Variants in ANKRD11 observed in about 807,000 individuals in gnomAD.
The protein encoded by ANKRD11 is ankyrin repeat domain-containing protein 11.
In ANKRD11, 17 loss-of-function variants were observed where a neutral mutation model predicts 195.7. That is an observed-to-expected ratio of 0.09 (90% confidence interval 0.06 to 0.13). ANKRD11 has a LOEUF of 0.13. Among genes scored for constraint, ANKRD11 ranks in the 10% least tolerant of loss-of-function variants. The pLI is 1.00. For synonymous variants in ANKRD11, 1,953 were observed against 1,528.1 expected (o/e 1.28, Z -6.49); for missense variants, 3,735 against 3,566.1 (o/e 1.05, Z -1.21).
intron 2 of ANKRD11, among the ~76,000 whole-genome samples, chr16:89,327,656 G>A (rs2151955295): frequency 6.6e-6 from 1 of 152,108 alleles, no homozygotes; most frequent in East Asian, 1.9e-4. Flanking sequence ...GAAATACACA[G>A]TACCATTCTA....
At chr16:89,367,242 G>A (rs957425922) in intron 2 of ANKRD11, among the ~76,000 whole-genome samples, 5 of 152,228 alleles carry the variant, frequency 3.3e-5, no homozygotes, top group East Asian at 1.9e-4. Flanking sequence ...GGAGTTCAGC[G>A]TTCTCTCAGG....
chr16:89,300,889 G>A (rs1361509412), intron 4 of ANKRD11: 1 of 702,260 alleles, frequency 1.4e-6, no homozygotes, highest in Non-Finnish European at 2.6e-6. Flanking sequence ...CAGAGGGCAG[G>A]CAGCTTCGGC....
intron 2 of ANKRD11, among the ~76,000 whole-genome samples, chr16:89,366,331 C>G (rs1053449386): frequency 1.3e-5 from 2 of 152,128 alleles, no homozygotes; most frequent in African/African-American, 4.8e-5. Flanking sequence ...TTCTATTCCT[C>G]TGGGTATATA....
In ANKRD11 at chr16:89,291,624, T is replaced by C. The variant is rs1259139438; in HGVS notation, c.227-441A>G. The C allele has an allele frequency of 8.8e-5, 107 of 1,216,760 alleles. No individual in the cohort carries two copies. Among genetic ancestry groups the C allele is most frequent in the Non-Finnish European group, 1.1e-4 (101 of 921,724 alleles). The allele number at this position is 1,216,760 out of a possible 1,614,324, so 75.4% of individuals were successfully genotyped here. A position where few individuals can be genotyped will look rare whatever the true frequency, so the allele number is the denominator to read the frequency against. On this transcript the variant is annotated intron_variant, in intron 4 of 12. Transcript: ENST00000301030. The surrounding 1 kb of genome is among the most constrained non-coding windows in gnomAD (Gnocchi z 5.3). The stretch of plus-strand genomic sequence containing the variant: ...TCCTCCAAACAGTGCAGATATAAAA[T>C]GGCAGACACAGTTTAAAACACATCA...
intron 2 of ANKRD11, among the ~76,000 whole-genome samples, chr16:89,385,598 C>G (rs1489690774): frequency 2.0e-5 from 3 of 152,184 alleles, no homozygotes; most frequent in Non-Finnish European, 4.4e-5. Flanking sequence ...AAGACAGTCA[C>G]CATATTCCCA....
intron 1 of ANKRD11, among the ~76,000 whole-genome samples, chr16:89,486,502 G>A (rs2057619293): frequency 1.3e-5 from 2 of 151,604 alleles, no homozygotes; most frequent in Non-Finnish European, 2.9e-5. Flanking sequence ...AAGACGCAAA[G>A]GCTGAGTAGG....
rs111644457 is a variant in ANKRD11, at chr16:89,313,185, G to T, written c.87+3748C>A. 6,166 of 944,288 alleles carry T rather than the reference G, an allele frequency of 6.5e-3. 31 individuals carry two copies. Among genetic ancestry groups the T allele is most frequent in the South Asian group, 8.3e-3 (519 of 62,536 alleles). The allele number at this position is 944,288 out of a possible 1,614,324, so 58.5% of individuals were successfully genotyped here. A position where few individuals can be genotyped will look rare whatever the true frequency, so the allele number is the denominator to read the frequency against. On this transcript the variant is annotated intron_variant, in intron 3 of 12. Coordinates refer to ENST00000301030, the MANE Select transcript of ANKRD11 (RefSeq NM_013275.6). Reference sequence around the variant, plus strand: ...TTGAGAACCACCAAGTGAAGCTCAGGGGGCTGTGAGGCTGCCTGTGCTCTG... The same window carrying T: ...TTGAGAACCACCAAGTGAAGCTCAGTGGGCTGTGAGGCTGCCTGTGCTCTG...
intron 2 of ANKRD11, among the ~76,000 whole-genome samples, chr16:89,395,156 T>C (rs566605999): frequency 6.6e-6 from 1 of 152,300 alleles, no homozygotes; most frequent in African/African-American, 2.4e-5. Context: ...ACTCAAACGA[T>C]CCAAGAGACT....
chr16:89,426,172 G>A (rs1028186848), intron 1 of ANKRD11, among the ~76,000 whole-genome samples: 1 of 152,014 alleles, frequency 6.6e-6, no homozygotes, highest in Non-Finnish European at 1.5e-5. Context: ...AAAACAATTC[G>A]TGTTTGAAAG....
intron 11 of ANKRD11, among the ~76,000 whole-genome samples, chr16:89,273,558 A>G (rs1421321133): frequency 6.6e-6 from 1 of 152,076 alleles, no homozygotes; most frequent in Non-Finnish European, 1.5e-5. Flanking sequence ...TCAGCCGGGC[A>G]TGGTAGCGCA....
At chr16:89,420,085 C>T (rs1030730036) in intron 1 of ANKRD11, 1 of 152,170 alleles carries the variant, frequency 6.6e-6, no homozygotes, top group Admixed American at 6.6e-5. Context: ...TGCACAGCAG[C>T]CTCAATCCAT....
At chr16:89,346,994 C>T (rs79766202) in intron 2 of ANKRD11, among the ~76,000 whole-genome samples, 76 of 152,282 alleles carry the variant, frequency 5.0e-4, no homozygotes, top group African/African-American at 1.8e-3. Context: ...GAACTGTCTG[C>T]GAAGCAAATG....
chr16:89,334,911 A>G (rs1183533609), intron 2 of ANKRD11, among the ~76,000 whole-genome samples: 1 of 152,090 alleles, frequency 6.6e-6, no homozygotes, highest in Non-Finnish European at 1.5e-5. Context: ...TTCTGCATGC[A>G]TGAGGGCCCC....
In ANKRD11 at chr16:89,283,649, T is replaced by G. The variant is rs764389320; in HGVS notation, c.2893A>C (p.Arg965=). The part of the protein sequence containing the change: ...LESCKERRDG[R]AKPEEAHREE... ...CGGTGCGCCTCCTCGGGCTTGGCCC[T>G]GCCGTCCCTGCGCTCCTTGCAGCTC... Residue 965 remains arginine (R), a synonymous_variant, in exon 9 of 13, where the codon AGG becomes CGG. Coordinates refer to ENST00000301030, the MANE Select transcript of ANKRD11 (RefSeq NM_013275.6). The surrounding 1 kb of genome is among the most constrained non-coding windows in gnomAD (Gnocchi z 4.3). The G allele has an allele frequency of 6.2e-7, 1 of 1,611,344 alleles. No individual in the cohort carries two copies. The highest frequency in any genetic ancestry group is 1.1e-5 in the South Asian group (1 of 91,080).
chr16:89,436,546 G>A (rs1176722970), intron 1 of ANKRD11, among the ~76,000 whole-genome samples: 1 of 152,186 alleles, frequency 6.6e-6, no homozygotes. Flanking sequence ...CTTGGGTGTT[G>A]GGACATAGCA....
At chr16:89,307,714 G>A (rs541916558) in intron 3 of ANKRD11, among the ~76,000 whole-genome samples, 5 of 152,250 alleles carry the variant, frequency 3.3e-5, no homozygotes, top group African/African-American at 4.8e-5. Flanking sequence ...TGGCCCCCTC[G>A]GAGTGCAGTC....
chr16:89,388,640 TG>T (rs2041035086), intron 2 of ANKRD11, among the ~76,000 whole-genome samples: 1 of 152,140 alleles, frequency 6.6e-6, no homozygotes, highest in Admixed American at 6.5e-5. Flanking sequence ...TGAAGGAGGC[TG>T]CATAGAGCAG....
rs539658983 is a variant in ANKRD11, at chr16:89,441,636, G to A, written c.-144-23268C>T. Among the ~76,000 whole-genome samples, 16 of 151,710 alleles carry A rather than the reference G, an allele frequency of 1.1e-4. 1 individual carries two copies. The South Asian group carries it at 2.9e-3, about 28-fold the overall frequency. ...CAAAAAATTAGCTGGGTGTGGTGGTGGGCACCTGCAGTCCCAGCTACTCGG... is the reference window on the plus strand; with the variant it reads ...CAAAAAATTAGCTGGGTGTGGTGGTAGGCACCTGCAGTCCCAGCTACTCGG... On this transcript the variant is annotated intron_variant, in intron 1 of 12. Coordinates refer to ENST00000301030, the MANE Select transcript of ANKRD11 (RefSeq NM_013275.6).
At chr16:89,394,981 T>C (rs1198299002) in intron 2 of ANKRD11, among the ~76,000 whole-genome samples, 1 of 152,184 alleles carries the variant, frequency 6.6e-6, no homozygotes, top group African/African-American at 2.4e-5. Flanking sequence ...GTTAAAAAGA[T>C]CTCCAAACCA....
Sources: allele counts gnomAD v4.1 joint callset (sites outside exome capture counted in the v4.1 genomes callset), GRCh38; gene constraint gnomAD v4.1.1; non-coding constraint Gnocchi (gnomAD v3.1); transcripts MANE v1.5; gene names NCBI Gene and HGNC (gene_info 2026-07-23, HGNC 2026-07-21).